The following CHRNG variants were observed in gnomAD, a reference collection of about 807,000 sequenced individuals.
CHRNG encodes the protein cholinergic receptor nicotinic gamma subunit.
CHRNG carries 72 observed loss-of-function variants against 65.2 expected under a neutral mutation model. That is an observed-to-expected ratio of 1.10 (90% CI 0.91 to 1.34). CHRNG has a LOEUF of 1.34. Ranked by LOEUF, CHRNG falls within the 40% of genes most tolerant of loss-of-function variation. The pLI, the probability that CHRNG is intolerant of heterozygous loss-of-function variation, is 0.00. For synonymous variants in CHRNG, 284 were observed against 290.2 expected, an observed-to-expected ratio of 0.98 and a Z score of 0.22; for missense variants, 637 against 680.1, an observed-to-expected ratio of 0.94 and a Z score of 0.70.
chr2:232,540,372 C>T lies in CHRNG; in HGVS notation c.196-9C>T, dbSNP rs182635953. On this transcript the variant is annotated splice_polypyrimidine_tract_variant and intron_variant, in intron 2 of 11. Transcript: ENST00000651502. The surrounding 1 kb of genome is among the most constrained non-coding windows in gnomAD (Gnocchi z 4.2). ...CTGAGCCCTCCATACTACACCCTTG[C>T]ACCCCCAGAACGAGCGAGAGGAAGC... 1.5e-4 allele frequency: 243 copies of T among 1,614,084 alleles called. 2 individuals carry two copies. In the East Asian group the frequency reaches 5.3e-3, roughly 35 times the overall value.
At position 232,544,495 on chromosome 2, in the gene CHRNG, G is replaced by A; in HGVS notation, c.1164G>A (p.Glu388=). 1 of 1,613,858 alleles carries A rather than the reference G, an allele frequency of 6.2e-7. No homozygotes were observed. ...SSGWSITTGE[E]VALCLPRSEL... is the part of the protein sequence containing the mutation. The stretch of plus-strand genomic sequence containing the variant: ...GATGGTCGATCACAACTGGGGAGGA[G>A]GTGGCCCTCTGCCTGCCTCGCAGTG... Residue 388 remains glutamate, a synonymous_variant, in exon 10 of 12, where the codon GAG becomes GAA. Coordinates refer to ENST00000651502, the MANE Select transcript of CHRNG (RefSeq NM_005199.5).
chr2:232,543,572 C>G lies in CHRNG; in HGVS notation c.921-13C>G, dbSNP rs768843276. 1.9e-6 allele frequency: 3 copies of G among 1,560,202 alleles called. No individual in the cohort carries two copies. The highest frequency in any genetic ancestry group is 2.2e-5 in the East Asian group (1 of 44,608). On this transcript the variant is annotated splice_polypyrimidine_tract_variant and intron_variant, in intron 8 of 11. Coordinates refer to ENST00000651502, the MANE Select transcript of CHRNG (RefSeq NM_005199.5). ...GTATGGGCTGCCAGCTCCTGCCCACCCCACCCTGACAGGTACCTGACCTTC... is the reference window on the plus strand; with the variant it reads ...GTATGGGCTGCCAGCTCCTGCCCACGCCACCCTGACAGGTACCTGACCTTC...
intron 10 of CHRNG, 41 bp downstream of exon 10, chr2:232,544,621 G>A (rs1324528757): frequency 6.3e-7 from 1 of 1,587,516 alleles, no homozygotes; most frequent in Admixed American, 1.7e-5. Context: ...TCCTCCCCTG[G>A]GACCCCAGCT....
In CHRNG at chr2:232,546,383, T is replaced by C. The variant is rs1692136495; in HGVS notation, c.*667T>C. 6.4e-6 allele frequency: 1 copy of C among 155,228 alleles called. No individual in the cohort carries two copies. Among genetic ancestry groups the C allele is most frequent in the African/African-American group, 2.4e-5 (1 of 40,890 alleles). 9.6% of individuals were successfully genotyped at this position (155,228 alleles called of 1,614,324 possible). On this transcript the variant is annotated 3_prime_UTR_variant, in exon 12 of 12. Coordinates refer to ENST00000651502, the MANE Select transcript of CHRNG (RefSeq NM_005199.5). ...TAGTTTTGAGATAGAGCCTCACTCT[T>C]GTCATGCAAGTTGGAGTGGAGTGGC... is the stretch of plus-strand genomic sequence containing the variant.
chr2:232,543,686 G>C lies in CHRNG; in HGVS notation c.1022G>C (p.Arg341Pro), dbSNP rs141485470. The C allele has an allele frequency of 6.8e-6, 11 of 1,609,840 alleles. No individual in the cohort carries two copies. Among genetic ancestry groups the C allele is most frequent in the African/African-American group, 6.7e-5 (5 of 74,772 alleles). Reference protein sequence around the residue: ...LRSPHTHSMARGVRKVFLRLL... With the variant: ...LRSPHTHSMAPGVRKVFLRLL... ...TCTCCACACACACACTCCATGGCCCGAGGGGTCCGCAAGGCAAGGACCCTC... is the reference window on the plus strand; with the variant it reads ...TCTCCACACACACACTCCATGGCCCCAGGGGTCCGCAAGGCAAGGACCCTC... The change falls in exon 9 of 12, where the codon CGA becomes CCA. Residue 341 changes from arginine (R) to proline (P), a missense_variant. By Grantham distance (103) the Arg-to-Pro change is moderately radical. Transcript: ENST00000651502.
chr2:232,545,399 A>C, intron 11 of CHRNG, 144 bp from the exon 12 acceptor site: 3 of 761,144 alleles, frequency 3.9e-6, no homozygotes, highest in Non-Finnish European at 6.8e-6. Flanking sequence ...CCATGGAATT[A>C]GCCACCAGTT....
In CHRNG at chr2:232,545,535, A is replaced by C. The variant is rs1692113643; in HGVS notation, c.1381-8A>C. 4 of 1,612,900 alleles carry C rather than the reference A, an allele frequency of 2.5e-6. No individual in the cohort carries two copies. Among genetic ancestry groups the C allele is most frequent in the Non-Finnish European group, 3.4e-6 (4 of 1,179,688 alleles). ...GCTGGTTATCCCACACCTGCCTCCC[A>C]CCCTCAGGGGAATGAGGAGTGGTTC... On this transcript the variant is annotated splice_polypyrimidine_tract_variant and splice_region_variant and intron_variant, in intron 11 of 11. Transcript: ENST00000651502.
At chr2:232,545,318 CA>C (rs1156427198) in intron 11 of CHRNG, among the ~76,000 whole-genome samples, 133 of 64,712 alleles carry the variant, frequency 2.1e-3, no homozygotes, top group Admixed American at 7.7e-3. Flanking sequence ...GACTCCGTCT[CA>C]AAAAAAAAAA....
At chr2:232,545,508 C>T (rs1692111831) in intron 11 of CHRNG, 35 bp from the exon 12 acceptor site, 4 of 1,601,228 alleles carry the variant, frequency 2.5e-6, no homozygotes, top group Non-Finnish European at 3.4e-6. Context: ...CCTGGTGCCG[C>T]CGCTGGTTAT....
chr2:232,543,748 C>T lies in CHRNG; in HGVS notation c.1035+49C>T, dbSNP rs73995686. The T allele has an allele frequency of 0.024, 27,846 of 1,144,696 alleles. 653 individuals carry two copies. Among genetic ancestry groups the T allele is most frequent in the East Asian group, 0.1 (4,398 of 42,470 alleles). 70.9% of individuals were successfully genotyped at this position (1,144,696 alleles called of 1,614,324 possible). ...CAACATCCCGCTGCCCACTCCCCTA[C>T]GCCTCCCTCTCGCACGCCCCGGCAG... On this transcript the variant is annotated intron_variant, in intron 9 of 11. Coordinates refer to ENST00000651502, the MANE Select transcript of CHRNG (RefSeq NM_005199.5).
Position 232,540,511 on chromosome 2 carries a change from T to C in CHRNG, c.240+86T>C. ...TCCTGAGAGTTGCCTGCCCCGTTCC[T>C]GCCTCTTCTGTCCTCTTGGGCTGGA... On this transcript the variant is annotated intron_variant, in intron 3 of 11. Coordinates refer to ENST00000651502, the MANE Select transcript of CHRNG (RefSeq NM_005199.5). This position sits in a 1 kb window ranked among gnomAD's most constrained non-coding sequence, Gnocchi z 4.2. The C allele has an allele frequency of 6.2e-7, 1 of 1,601,170 alleles. No individual in the cohort carries two copies. The highest frequency in any genetic ancestry group is 8.5e-7 in the Non-Finnish European group (1 of 1,173,546).
Position 232,540,716 on chromosome 2 carries a change from G to C in CHRNG, c.350+5G>C. 6.2e-7 allele frequency: 1 copy of C among 1,609,662 alleles called. No homozygotes were observed. The highest frequency in any genetic ancestry group is 8.5e-7 in the Non-Finnish European group (1 of 1,178,838). ...GGATATCGTGCTGGAGAACAAGTGA[G>C]GAGGGGGTGCAGGCAGGGGTGTGGG... On this transcript the variant is annotated splice_donor_5th_base_variant and intron_variant, in intron 4 of 11. Transcript: ENST00000651502. The surrounding 1 kb of genome is among the most constrained non-coding windows in gnomAD (Gnocchi z 4.2).
At position 232,540,398 on chromosome 2, in the gene CHRNG, C is replaced by T; in HGVS notation, c.213C>T (p.Ala71=). 1.9e-6 allele frequency: 3 copies of T among 1,614,066 alleles called. No homozygotes were observed. The highest frequency in any genetic ancestry group is 2.5e-6 in the Non-Finnish European group (3 of 1,179,976). Residue 71 remains alanine, a synonymous_variant, in exon 3 of 12, where the codon GCC becomes GCT. Coordinates refer to ENST00000651502, the MANE Select transcript of CHRNG (RefSeq NM_005199.5). The surrounding 1 kb of genome is among the most constrained non-coding windows in gnomAD (Gnocchi z 4.2). ...NLISLNEREE[A]LTTNVWIEMQ... is the part of the protein sequence containing the mutation. ...ACCCCCAGAACGAGCGAGAGGAAGCCCTCACCACCAATGTCTGGATAGAGA... is the reference window on the plus strand; with the variant it reads ...ACCCCCAGAACGAGCGAGAGGAAGCTCTCACCACCAATGTCTGGATAGAGA...
In CHRNG at chr2:232,543,227, G is replaced by T. The variant is rs557680782; in HGVS notation, c.806-48G>T. 9 of 1,551,276 alleles carry T rather than the reference G, an allele frequency of 5.8e-6. No homozygotes were observed. In the East Asian group the frequency reaches 2.0e-4, roughly 35 times the overall value. On this transcript the variant is annotated intron_variant, in intron 7 of 11. Transcript: ENST00000651502. ...TTCTGGGGTAAGGGGTTCCTCTGTG[G>T]GTGGGGGAGGTAGGAACCTGCTCTG...
chr2:232,545,925 C>T lies in CHRNG; in HGVS notation c.*209C>T. 1 of 656,116 alleles carries T rather than the reference C, an allele frequency of 1.5e-6. No individual in the cohort carries two copies. Among genetic ancestry groups the T allele is most frequent in the East Asian group, 2.7e-5 (1 of 36,454 alleles). 40.6% of individuals were successfully genotyped at this position (656,116 alleles called of 1,614,324 possible). A position where few individuals can be genotyped will look rare whatever the true frequency, so the allele number is the denominator to read the frequency against. On this transcript the variant is annotated 3_prime_UTR_variant, in exon 12 of 12. Transcript: ENST00000651502. ...GGGGTGGGCCGTGGCTAGTGTCCTG[C>T]TGCAGTCAGCACACACGTGGGATTG... is the stretch of plus-strand genomic sequence containing the variant.
rs181688558 is a variant in CHRNG, at chr2:232,543,500, A to T, written c.921-85A>T. On this transcript the variant is annotated intron_variant, in intron 8 of 11. Coordinates refer to ENST00000651502, the MANE Select transcript of CHRNG (RefSeq NM_005199.5). ...CATCCACCCCCCCCATCCTCAATTC[A>T]GGAGGCCTGAGGGGGGGCAGCCACT... 1.1e-3 allele frequency: 1,162 copies of T among 1,089,880 alleles called. 10 individuals carry two copies. The highest frequency in any genetic ancestry group is 2.6e-4 in the Non-Finnish European group (205 of 781,934). The allele number at this position is 1,089,880 out of a possible 1,614,324, so 67.5% of individuals were successfully genotyped here.
Position 232,546,432 on chromosome 2 carries a change from C to A in CHRNG, c.*716C>A. The stretch of plus-strand genomic sequence containing the variant: ...GCATGATCATGGCTCACTGCAGCCT[C>A]AACCTCCAGGGCTCAAGCAATGCTC... On this transcript the variant is annotated 3_prime_UTR_variant, in exon 12 of 12. Coordinates refer to ENST00000651502, the MANE Select transcript of CHRNG (RefSeq NM_005199.5). 1 of 153,242 alleles carries A rather than the reference C, an allele frequency of 6.5e-6. No homozygotes were observed. Among genetic ancestry groups the A allele is most frequent in the Non-Finnish European group, 1.4e-5 (1 of 69,070 alleles). 9.5% of individuals were successfully genotyped at this position (153,242 alleles called of 1,614,324 possible).
rs779573860 is a variant in CHRNG, at chr2:232,542,942, C to T, written c.665C>T (p.Pro222Leu). 16 of 1,614,174 alleles carry T rather than the reference C, an allele frequency of 9.9e-6. No individual in the cohort carries two copies. In the South Asian group the frequency reaches 1.3e-4, roughly 13 times the overall value. ...AAGATGCTCCTGGACCCAGCGGCGC[C>T]AGCCCAGGAAGCAGGCCACCAGAAG... The part of the protein sequence containing the change: ...PAKMLLDPAA[P>L]AQEAGHQKVV... Residue 222 changes from proline (P) to leucine (L), a missense_variant, in exon 7 of 12, where the codon CCA (proline) becomes CTA (leucine). Physicochemically the swap from Pro to Leu is moderately conservative, Grantham distance 98 (BLOSUM62 -3). Transcript: ENST00000651502.
rs978534260 is a variant in CHRNG at position 232,542,316 on chromosome 2, A to C, written c.507-107A>C. 14 of 753,698 alleles carry C rather than the reference A, an allele frequency of 1.9e-5. No individual in the cohort carries two copies. The African/African-American group carries it at 2.4e-4, about 13-fold the overall frequency. 46.7% of individuals were successfully genotyped at this position (753,698 alleles called of 1,614,324 possible). A position where few individuals can be genotyped will look rare whatever the true frequency, so the allele number is the denominator to read the frequency against. ...AGAGAACTCAGAAGCGTGGGGCTGC[A>C]TTTTGTTGAAGAAAAGCTGCCCACA... On this transcript the variant is annotated intron_variant, in intron 5 of 11. Transcript: ENST00000651502.
Sources: gnomAD v4.1 joint callset for allele counts (sites outside exome capture counted in the v4.1 genomes callset) on GRCh38, gnomAD v4.1.1 for gene constraint, Gnocchi (gnomAD v3.1) non-coding constraint, MANE v1.5 for transcripts, NCBI Gene and HGNC (gene_info 2026-07-23, HGNC 2026-07-21) for gene names.